DLC1: variants seen among roughly 807,000 people sequenced by gnomAD.
DLC1 encodes rho GTPase-activating protein 7.
DLC1 carries 54 observed loss-of-function variants against 140.3 expected under a neutral mutation model. The observed-to-expected ratio is 0.38, with a 90% CI of 0.31 to 0.48. DLC1 has a LOEUF of 0.48. Among genes scored for constraint, DLC1 ranks in the 20% least tolerant of loss-of-function variants. The pLI is 0.96. For missense variants in DLC1, 2,536 were observed against 1,907.0 expected, an observed-to-expected ratio of 1.33 and a Z score of -6.14; for synonymous variants, 986 against 728.1, an observed-to-expected ratio of 1.35 and a Z score of -5.70.
Position 13,567,038 on chromosome 8 carries a change from C to G in DLC1, c.-126+37499G>C, listed in dbSNP as rs751163792. 5.6e-5 allele frequency: 87 copies of G among 1,551,420 alleles called. No individual in the cohort carries two copies. In the South Asian group the frequency reaches 1.0e-3, roughly 18 times the overall value. ...GCCCAAACGGACAAAAGTGCTCTTG[C>G]AAACCTTTCTGATGAGACTGAGACT... On this transcript the variant is annotated intron_variant, in intron 1 of 1. Transcript: ENST00000631382.
At chr8:13,517,450 G>A (rs994604266), upstream of DLC1, among the ~76,000 whole-genome samples, 10 of 151,982 alleles carry the variant, frequency 6.6e-5, no homozygotes, top group African/African-American at 2.4e-4. Context: ...TCTATTAATA[G>A]GATTACTTCC....
intron 2 of DLC1, among the ~76,000 whole-genome samples, chr8:13,407,792 A>C (rs1837630953): frequency 6.6e-6 from 1 of 151,996 alleles, no homozygotes; most frequent in African/African-American, 2.4e-5. Context: ...AATACTCCTC[A>C]CTCACCCGTG....
intron 2 of DLC1, among the ~76,000 whole-genome samples, chr8:13,432,385 T>C (rs1004271376): frequency 3.9e-5 from 6 of 152,228 alleles, no homozygotes; most frequent in East Asian, 1.9e-4. Flanking sequence ...TAAAACAATA[T>C]ATCATTAAGC....
intron 5 of DLC1, among the ~76,000 whole-genome samples, chr8:13,230,468 C>T (rs1031601364): frequency 2.0e-5 from 3 of 152,120 alleles, no homozygotes; most frequent in Admixed American, 6.5e-5. Context: ...TCCAGGAGAG[C>T]TAATATCACT....
chr8:13,155,572 A>G (rs1460525204), intron 5 of DLC1, among the ~76,000 whole-genome samples: 1 of 152,156 alleles, frequency 6.6e-6, no homozygotes, highest in Non-Finnish European at 1.5e-5. Context: ...TTTTAGTTAA[A>G]TAAAACTTAA....
intron 4 of DLC1, among the ~76,000 whole-genome samples, chr8:13,351,296 C>T (rs1834651362): frequency 6.6e-6 from 1 of 152,158 alleles, no homozygotes; most frequent in East Asian, 1.9e-4. Flanking sequence ...GACACTGAAG[C>T]ACAAAGAATT....
intron 2 of DLC1, among the ~76,000 whole-genome samples, chr8:13,463,439 T>C (rs1799769076): frequency 6.6e-6 from 1 of 152,190 alleles, no homozygotes; most frequent in South Asian, 2.1e-4. Context: ...GGAATAAATA[T>C]ACCTAAAAGT....
At chr8:13,419,998 C>T (rs969385600) in intron 2 of DLC1, among the ~76,000 whole-genome samples, 2 of 152,032 alleles carry the variant, frequency 1.3e-5, no homozygotes, top group African/African-American at 2.4e-5. Flanking sequence ...AGTTTATTTG[C>T]GTAGAGGTGT....
intron 10 of DLC1, chr8:13,096,093 T>C (rs1289585689): frequency 6.6e-6 from 1 of 152,240 alleles, no homozygotes; most frequent in Admixed American, 6.5e-5. Flanking sequence ...GCTCTCCAAA[T>C]GACCTCTCTG....
chr8:13,167,489 A>T lies in DLC1; in HGVS notation c.1349-51832T>A, dbSNP rs529866552. Among the ~76,000 whole-genome samples the T allele has an allele frequency of 3.9e-5, 6 of 152,214 alleles. No individual in the cohort carries two copies. In the South Asian group the frequency reaches 1.2e-3, roughly 32 times the overall value. Reference sequence around the variant, plus strand: ...ATGGATTAAAACTGAATGGCTTCTCAGTGGGGAAACCTCGGTATTTTATCT... The same window carrying T: ...ATGGATTAAAACTGAATGGCTTCTCTGTGGGGAAACCTCGGTATTTTATCT... On this transcript the variant is annotated intron_variant, in intron 5 of 17. Transcript: ENST00000276297.
chr8:13,319,245 C>A (rs74330288), intron 4 of DLC1, among the ~76,000 whole-genome samples: 1 of 152,188 alleles, frequency 6.6e-6, no homozygotes, highest in African/African-American at 2.4e-5. Flanking sequence ...GTAAAAGACA[C>A]CTGGTCTTAA....
intron 1 of DLC1, among the ~76,000 whole-genome samples, chr8:13,592,540 CT>C (rs2117476951): frequency 6.6e-6 from 1 of 152,018 alleles, no homozygotes; most frequent in East Asian, 1.9e-4. Context: ...TTAGAAATTC[CT>C]TTTTTAAAAA....
At chr8:13,191,254 C>G (rs188618568) in intron 5 of DLC1, among the ~76,000 whole-genome samples, 1 of 152,290 alleles carries the variant, frequency 6.6e-6, no homozygotes, top group Non-Finnish European at 1.5e-5. Flanking sequence ...TGCCTGTAAT[C>G]CCAGCACTTT....
chr8:13,576,952 C>G (rs547732875), intron 1 of DLC1, among the ~76,000 whole-genome samples: 7 of 151,976 alleles, frequency 4.6e-5, no homozygotes, highest in African/African-American at 1.7e-4. Context: ...CTGCAAAGTG[C>G]TTACCGAGGA....
chr8:13,140,863 A>C (rs1456255201), intron 5 of DLC1, among the ~76,000 whole-genome samples: 1 of 152,132 alleles, frequency 6.6e-6, no homozygotes, highest in African/African-American at 2.4e-5. Context: ...TTTTAGTTAT[A>C]CATTTTATTA....
intron 5 of DLC1, among the ~76,000 whole-genome samples, chr8:13,202,844 T>C (rs1469228479): frequency 1.3e-5 from 2 of 152,002 alleles, no homozygotes; most frequent in Non-Finnish European, 2.9e-5. Context: ...TCGCTAATTG[T>C]TGTATTTTTT....
intron 2 of DLC1, among the ~76,000 whole-genome samples, chr8:13,434,500 G>A (rs182651182): frequency 1.3e-5 from 2 of 152,232 alleles, no homozygotes; most frequent in Admixed American, 6.5e-5. Flanking sequence ...TCATGCACAT[G>A]TGTGTATGTA....
intron 5 of DLC1, among the ~76,000 whole-genome samples, chr8:13,157,728 T>G (rs537791485): frequency 2.6e-5 from 4 of 152,346 alleles, no homozygotes; most frequent in Admixed American, 2.6e-4. Context: ...AAATTCTATC[T>G]GAATGTAAAT....
chr8:13,249,027 A>G (rs888439894), intron 5 of DLC1, among the ~76,000 whole-genome samples: 1 of 152,020 alleles, frequency 6.6e-6, no homozygotes, highest in African/African-American at 2.4e-5. Context: ...CTCACTTTCC[A>G]TTCCTCAGTG....
Sources: allele counts gnomAD v4.1 joint callset (sites outside exome capture counted in the v4.1 genomes callset), GRCh38; gene constraint gnomAD v4.1.1; transcripts MANE v1.5; gene names NCBI Gene and HGNC (gene_info 2026-07-23, HGNC 2026-07-21).